The following ACTR5 variants were observed in gnomAD, a reference collection of about 807,000 sequenced individuals.
ACTR5 encodes actin related protein 5, also known as actin-related protein 5.
In ACTR5, 43 loss-of-function variants were observed where a neutral mutation model predicts 61.2. The observed-to-expected ratio is 0.70, with a 90% CI of 0.55 to 0.91. The LOEUF is 0.91. Among genes scored for constraint, ACTR5 ranks in the 40% least tolerant of loss-of-function variants. The pLI, the probability that ACTR5 is intolerant of heterozygous loss-of-function variation, is 0.00. For missense variants in ACTR5, 798 were observed against 782.2 expected, an observed-to-expected ratio of 1.02 and a Z score of -0.24; for synonymous variants, 333 against 310.5, an observed-to-expected ratio of 1.07 and a Z score of -0.76.
chr20:38,756,240 C>T (rs373651172), intron 5 of ACTR5, among the ~76,000 whole-genome samples: 55 of 152,304 alleles, frequency 3.6e-4, no homozygotes, highest in African/African-American at 1.1e-3. Context: ...GACCCCTGAG[C>T]GCAGAAAGTG....
intron 5 of ACTR5, among the ~76,000 whole-genome samples, chr20:38,762,603 A>C (rs2084461742): frequency 6.6e-6 from 1 of 152,196 alleles, no homozygotes; most frequent in Non-Finnish European, 1.5e-5. Flanking sequence ...GAGTACTGGG[A>C]GGCATCCTTT....
Position 38,748,828 on chromosome 20 carries a change from T to A in ACTR5, c.350T>A (p.Phe117Tyr). The change falls in exon 1 of 9, where the codon TTC (phenylalanine) becomes TAC (tyrosine). Residue 117 changes from phenylalanine (F) to tyrosine (Y), a missense_variant. Transcript: ENST00000243903. The part of the protein sequence containing the change: ...ELQELLLDYS[F>Y]QHLGVSSQGC... Reference sequence around the variant, plus strand: ...CAGGAGTTGCTGCTGGACTACAGCTTCCAGCACCTGGGTGTCTCCTCACAG... The same window carrying A: ...CAGGAGTTGCTGCTGGACTACAGCTACCAGCACCTGGGTGTCTCCTCACAG... 1 of 1,608,568 alleles carries A rather than the reference T, an allele frequency of 6.2e-7. No individual in the cohort carries two copies. Among genetic ancestry groups the A allele is most frequent in the Non-Finnish European group, 8.5e-7 (1 of 1,178,748 alleles).
Position 38,748,549 on chromosome 20 carries a change from TG to T in ACTR5, c.73del (p.Ala25HisfsTer108). On this transcript the variant is annotated frameshift_variant, in exon 1 of 9. Coordinates refer to ENST00000243903, the MANE Select transcript of ACTR5 (RefSeq NM_024855.4). LOFTEE classifies it high-confidence loss of function. ...APDPVLEAGP[V>X]AHGPLPVPLV... Reference sequence around the variant, plus strand: ...GACCCAGTGCTGGAGGCCGGCCCGGTGGCACACGGGCCACTGCCGGTACCGC... The same window carrying T: ...GACCCAGTGCTGGAGGCCGGCCCGGTGCACACGGGCCACTGCCGGTACCGC... 1 of 1,511,804 alleles carries T rather than the reference TG, an allele frequency of 6.6e-7. No individual in the cohort carries two copies. The highest frequency in any genetic ancestry group is 1.2e-5 in the South Asian group (1 of 80,702). The allele number at this position is 1,511,804 out of a possible 1,614,324, so 93.6% of individuals were successfully genotyped here.
At chr20:38,762,708 G>A (rs1472137045) in intron 5 of ACTR5, among the ~76,000 whole-genome samples, 1 of 152,176 alleles carries the variant, frequency 6.6e-6, no homozygotes, top group Non-Finnish European at 1.5e-5. Flanking sequence ...GGGTAGAGAA[G>A]GGCATGTGAA....
At chr20:38,765,668 T>TC (rs1568637708) in intron 6 of ACTR5, 150 bp downstream of exon 6, 1 of 653,598 alleles carries the variant, frequency 1.5e-6, no homozygotes, top group South Asian at 2.0e-5. Flanking sequence ...GGGATTTTTT[T>TC]CCCCCGGTGA....
intron 5 of ACTR5, among the ~76,000 whole-genome samples, chr20:38,764,786 C>T (rs1398476976): frequency 6.6e-6 from 1 of 152,204 alleles, no homozygotes; most frequent in African/African-American, 2.4e-5. Flanking sequence ...TCCTCGACCT[C>T]AGCTTCCCAA....
chr20:38,767,394 C>G, intron 7 of ACTR5, 70 bp from the exon 8 acceptor site: 3 of 1,347,376 alleles, frequency 2.2e-6, no homozygotes, highest in Non-Finnish European at 3.0e-6. Context: ...TGAGAGCTTA[C>G]ATTTCTGCAT....
intron 2 of ACTR5, among the ~76,000 whole-genome samples, chr20:38,750,753 C>T (rs769822473): frequency 1.1e-4 from 16 of 152,034 alleles, no homozygotes; most frequent in African/African-American, 1.4e-4. Context: ...CTCAGCCTCC[C>T]GAGTAGCTGG....
At chr20:38,760,885 G>C (rs75021006) in intron 5 of ACTR5, among the ~76,000 whole-genome samples, 3,748 of 151,416 alleles carry the variant, frequency 0.025, 65 homozygotes, top group Non-Finnish European at 0.04. Flanking sequence ...ATCTTACTCT[G>C]TTGCACAGGC....
Position 38,772,048 on chromosome 20 carries a change from G to C in ACTR5, c.*232G>C, listed in dbSNP as rs1329516826. Reference sequence around the variant, plus strand: ...GACTAACTGGCCTTCTGATGTCTTTGTTCAACTGTGGCCAGCTGTGGCATC... The same window carrying C: ...GACTAACTGGCCTTCTGATGTCTTTCTTCAACTGTGGCCAGCTGTGGCATC... On this transcript the variant is annotated 3_prime_UTR_variant, in exon 9 of 9. Coordinates refer to ENST00000243903, the MANE Select transcript of ACTR5 (RefSeq NM_024855.4). The C allele has an allele frequency of 1.7e-6, 1 of 572,428 alleles. No homozygotes were observed. The highest frequency in any genetic ancestry group is 1.9e-5 in the African/African-American group (1 of 53,630). 35.5% of individuals were successfully genotyped at this position (572,428 alleles called of 1,614,324 possible). A position where few individuals can be genotyped will look rare whatever the true frequency, so the allele number is the denominator to read the frequency against.
At chr20:38,767,217 A>G (rs1296192212) in intron 7 of ACTR5, among the ~76,000 whole-genome samples, 1 of 152,242 alleles carries the variant, frequency 6.6e-6, no homozygotes, top group Non-Finnish European at 1.5e-5. Context: ...TTATAAAAGT[A>G]TAAAAATTCT....
In ACTR5 at chr20:38,772,427, T is replaced by A. The variant is rs2084525142; in HGVS notation, c.*611T>A. ...TGTGAATAACCACTGCACTCCAGCC[T>A]GGGCAACATAGGAAGACATTGTCTC... On this transcript the variant is annotated 3_prime_UTR_variant, in exon 9 of 9. Coordinates refer to ENST00000243903, the MANE Select transcript of ACTR5 (RefSeq NM_024855.4). The A allele has an allele frequency of 6.5e-6, 1 of 153,110 alleles. No individual in the cohort carries two copies. Among genetic ancestry groups the A allele is most frequent in the African/African-American group, 2.4e-5 (1 of 41,448 alleles). 9.5% of individuals were successfully genotyped at this position (153,110 alleles called of 1,614,324 possible).
At chr20:38,754,136 T>A (rs1483104821) in intron 3 of ACTR5, among the ~76,000 whole-genome samples, 1 of 152,242 alleles carries the variant, frequency 6.6e-6, no homozygotes, top group Non-Finnish European at 1.5e-5. Context: ...TGATTTTTAC[T>A]TTCAGTTGTC....
At position 38,767,475 on chromosome 20, in the gene ACTR5, A is replaced by T. The variant is rs1462362378; in HGVS notation, c.1445A>T (p.Asp482Val). Residue 482 changes from aspartate to valine, a missense_variant, in exon 8 of 9, where the codon GAC becomes GTC. Physicochemically the swap from Asp to Val is radical, Grantham distance 152. Coordinates refer to ENST00000243903, the MANE Select transcript of ACTR5 (RefSeq NM_024855.4). ...TGTTTCTTTCCTAGGTACCCAAAGGACATTCAGGAAATGCTGGTTCAGAAC... is the reference window on the plus strand; with the variant it reads ...TGTTTCTTTCCTAGGTACCCAAAGGTCATTCAGGAAATGCTGGTTCAGAAC... ...LQYILDRYPK[D>V]IQEMLVQNVF... The T allele has an allele frequency of 6.2e-7, 1 of 1,613,800 alleles. No individual in the cohort carries two copies. The highest frequency in any genetic ancestry group is 1.3e-5 in the African/African-American group (1 of 74,890).
At chr20:38,767,724 A>T (rs1212828150) in intron 8 of ACTR5, 128 bp downstream of exon 8, 1 of 1,068,244 alleles carries the variant, frequency 9.4e-7, no homozygotes, top group East Asian at 2.5e-5. Context: ...TCTTAAGTCC[A>T]TGCTTAATTT....
In ACTR5 at chr20:38,771,797, G is replaced by T. The variant is rs763212899; in HGVS notation, c.1805G>T (p.Gly602Val). The change falls in exon 9 of 9, where the codon GGT (glycine) becomes GTT (valine). Residue 602 changes from glycine to valine, a missense_variant. Gly to Val is a moderately radical substitution (Grantham distance 109, BLOSUM62 -3). Transcript: ENST00000243903. ...SSKGSAAGGG[G>V]AGEQA Reference sequence around the variant, plus strand: ...AAGGGCTCCGCTGCTGGTGGAGGTGGTGCTGGTGAGCAGGCATAGCAGAGG... The same window carrying T: ...AAGGGCTCCGCTGCTGGTGGAGGTGTTGCTGGTGAGCAGGCATAGCAGAGG... 9 of 1,612,420 alleles carry T rather than the reference G, an allele frequency of 5.6e-6. No individual in the cohort carries two copies. Among genetic ancestry groups the T allele is most frequent in the Middle Eastern group, 1.6e-4 (1 of 6,084 alleles).
chr20:38,755,826 T>C (rs868013504), intron 4 of ACTR5, 31 bp from the exon 5 acceptor site: 2 of 1,613,210 alleles, frequency 1.2e-6, no homozygotes, highest in African/African-American at 2.7e-5. Context: ...GAAGCTACTT[T>C]CCTTCCTGTT....
intron 4 of ACTR5, among the ~76,000 whole-genome samples, chr20:38,755,601 C>CA (rs879421509): frequency 1.5e-3 from 217 of 141,268 alleles, no homozygotes; most frequent in Middle Eastern, 3.6e-3. Context: ...CCCGCCCCAC[C>CA]AAAAAAAAAA....
chr20:38,758,325 A>G lies in ACTR5; in HGVS notation c.1176+2286A>G, dbSNP rs569922027. Among the ~76,000 whole-genome samples, 3 of 152,290 alleles carry G rather than the reference A, an allele frequency of 2.0e-5. No individual in the cohort carries two copies. The South Asian group carries it at 6.2e-4, about 32-fold the overall frequency. On this transcript the variant is annotated intron_variant, in intron 5 of 8. Transcript: ENST00000243903. ...AGGGGATTTTGAAATGCCGGACTGC[A>G]AAAGATTTTTCTATATGCAACAAAT...
Sources: gnomAD v4.1 joint callset for allele counts (sites outside exome capture counted in the v4.1 genomes callset) on GRCh38, gnomAD v4.1.1 for gene constraint, MANE v1.5 for transcripts, NCBI Gene and HGNC (gene_info 2026-07-23, HGNC 2026-07-21) for gene names.